NLRP14: variants seen among roughly 807,000 people sequenced by gnomAD.
NLRP14 encodes NACHT, LRR and PYD domains-containing protein 14.
Under a neutral mutation model 94.7 loss-of-function variants are expected in NLRP14, and 105 were observed. The observed-to-expected ratio is 1.11, with a 90% CI of 0.95 to 1.30. The LOEUF (loss-of-function observed/expected upper bound fraction) is 1.30, where lower values mean the gene tolerates loss of function less well. Among genes scored for constraint, NLRP14 ranks in the 50% most tolerant of loss-of-function variants. NLRP14 has a pLI of 0.00. For missense variants in NLRP14, 1,362 were observed against 1,254.1 expected, an observed-to-expected ratio of 1.09 and a Z score of -1.30; for synonymous variants, 508 against 459.9, an observed-to-expected ratio of 1.10 and a Z score of -1.34.
intron 6 of NLRP14, among the ~76,000 whole-genome samples, chr11:7,050,140 A>G (rs1386172999): frequency 2.0e-5 from 3 of 152,244 alleles, no homozygotes; most frequent in Non-Finnish European, 4.4e-5. Context: ...CTAATATTTA[A>G]GTGCTGCAAT....
the NLRP14 span, chr11:7,090,256 TAGGAGGCCGCTTGGAGAGAGG>T: frequency 3.7e-6 from 6 of 1,608,112 alleles, no homozygotes; most frequent in Non-Finnish European, 5.1e-6. Context: ...GGAGGCCGTC[TAGGAGGCCGCTTGGAGAGAGG>T]AGGAGGCCGG....
At chr11:7,038,318 A>C (rs1337828534) in intron 1 of NLRP14, among the ~76,000 whole-genome samples, 1 of 152,196 alleles carries the variant, frequency 6.6e-6, no homozygotes, top group African/African-American at 2.4e-5. Flanking sequence ...TATAGCTCAT[A>C]AGTGGTAGGA....
chr11:7,064,657 A>T (rs981833033), intron 10 of NLRP14, among the ~76,000 whole-genome samples: 1 of 152,132 alleles, frequency 6.6e-6, no homozygotes, highest in Non-Finnish European at 1.5e-5. Context: ...GAGAGAGAAA[A>T]GCATCTTTAC....
intron 3 of NLRP14, among the ~76,000 whole-genome samples, chr11:7,041,161 G>T (rs369824184): frequency 2.4e-4 from 37 of 152,002 alleles, no homozygotes; most frequent in African/African-American, 8.7e-4. Context: ...GGTAAATAGT[G>T]TTTTTCTTCT....
Position 7,071,377 on chromosome 11 carries a change from C to A in NLRP14, c.*69C>A. 2.3e-6 allele frequency: 3 copies of A among 1,323,374 alleles called. No individual in the cohort carries two copies. Among genetic ancestry groups the A allele is most frequent in the Non-Finnish European group, 2.1e-6 (2 of 940,724 alleles). The allele number at this position is 1,323,374 out of a possible 1,614,324, so 82.0% of individuals were successfully genotyped here. On this transcript the variant is annotated 3_prime_UTR_variant, in exon 12 of 12. Coordinates refer to ENST00000299481, the MANE Select transcript of NLRP14 (RefSeq NM_176822.4). Reference sequence around the variant, plus strand: ...ATACATACATAGATATATACCCAGACTTGGGTGCTTAGCTTCAGATACTCT... The same window carrying A: ...ATACATACATAGATATATACCCAGAATTGGGTGCTTAGCTTCAGATACTCT...
chr11:7,049,070 T>A (rs1472780134), intron 5 of NLRP14, among the ~76,000 whole-genome samples: 1 of 151,584 alleles, frequency 6.6e-6, no homozygotes, highest in Non-Finnish European at 1.5e-5. Context: ...CAAAGCGAGG[T>A]TTTGGACAGT....
At chr11:7,089,898 C>G in the NLRP14 span, 1 of 1,612,956 alleles carries the variant, frequency 6.2e-7, no homozygotes, top group Non-Finnish European at 8.5e-7. Flanking sequence ...CTACAGCGAC[C>G]GAGACGGCTA....
chr11:7,051,647 C>T (rs1009807164), intron 6 of NLRP14, among the ~76,000 whole-genome samples: 10 of 152,124 alleles, frequency 6.6e-5, no homozygotes, highest in South Asian at 2.1e-4. Flanking sequence ...GACAGAGTCT[C>T]GTTCTGTCAC....
At position 7,041,457 on chromosome 11, in the gene NLRP14, T is replaced by C. The variant is rs186435901; in HGVS notation, c.362-931T>C. On this transcript the variant is annotated intron_variant, in intron 3 of 11. Transcript: ENST00000299481. ...TTCCAGGAGAGGATCATATTCTACA[T>C]AATTGCCAGAAACTTCATATCTTTT... Among the ~76,000 whole-genome samples the C allele has an allele frequency of 1.6e-4, 25 of 152,272 alleles. No homozygotes were observed. The East Asian group carries it at 4.8e-3, about 29-fold the overall frequency.
chr11:7,055,763 A>C (rs1435722319), intron 6 of NLRP14, among the ~76,000 whole-genome samples: 8 of 152,098 alleles, frequency 5.3e-5, no homozygotes, highest in Non-Finnish European at 1.2e-4. Flanking sequence ...GTACCATCTT[A>C]TGGACCTATA....
At chr11:7,039,010 A>G in intron 2 of NLRP14, 135 bp downstream of exon 2, 5 of 771,844 alleles carry the variant, frequency 6.5e-6, no homozygotes, top group South Asian at 1.9e-5. Context: ...GGTCTTGTGC[A>G]TGGGGAGCTT....
chr11:7,047,240 C>T (rs1196828511), intron 5 of NLRP14, among the ~76,000 whole-genome samples: 1 of 152,126 alleles, frequency 6.6e-6, no homozygotes, highest in Non-Finnish European at 1.5e-5. Flanking sequence ...CAAGTGTAAA[C>T]ATCTTTATAA....
chr11:7,054,849 TGTG>T (rs1482653579), intron 6 of NLRP14, among the ~76,000 whole-genome samples: 1 of 152,184 alleles, frequency 6.6e-6, no homozygotes, highest in African/African-American at 2.4e-5. Context: ...TGCCTATGCT[TGTG>T]GGGTATTACT....
At chr11:7,062,914 C>G (rs1376731910) in intron 10 of NLRP14, among the ~76,000 whole-genome samples, 1 of 152,060 alleles carries the variant, frequency 6.6e-6, no homozygotes, top group African/African-American at 2.4e-5. Context: ...GTGGACATTT[C>G]TTACGTTCAA....
At chr11:7,032,827 G>A (rs1793410583) in intron 1 of NLRP14, among the ~76,000 whole-genome samples, 1 of 152,118 alleles carries the variant, frequency 6.6e-6, no homozygotes, top group Admixed American at 6.5e-5. Flanking sequence ...ATATTTTAGT[G>A]TGAACTGTAA....
intron 1 of NLRP14, among the ~76,000 whole-genome samples, chr11:7,021,341 T>C (rs1265049504): frequency 6.6e-6 from 1 of 152,236 alleles, no homozygotes; most frequent in South Asian, 2.1e-4. Flanking sequence ...ATTTACAGTT[T>C]GGTGTTTAGC....
chr11:7,049,704 G>A lies in NLRP14; in HGVS notation c.2157G>A (p.Gln719=). The A allele has an allele frequency of 6.2e-7, 1 of 1,613,026 alleles. No individual in the cohort carries two copies. Among genetic ancestry groups the A allele is most frequent in the Non-Finnish European group, 8.5e-7 (1 of 1,179,032 alleles). Residue 719 remains glutamine (Q), a synonymous_variant, in exon 6 of 12, where the codon CAG becomes CAA. Coordinates refer to ENST00000299481, the MANE Select transcript of NLRP14 (RefSeq NM_176822.4). ...TTATCACTTTCCCTGATGGTTGTCA[G>A]GATATCTCTACTTCTTTGATTCATA... ...LKFITFPDGC[Q]DISTSLIHNK...
intron 6 of NLRP14, among the ~76,000 whole-genome samples, chr11:7,053,610 A>G (rs1158976864): frequency 6.6e-6 from 1 of 151,402 alleles, no homozygotes; most frequent in East Asian, 1.9e-4. Context: ...CATCATTTGT[A>G]TTTTTTTCTG....
intron 9 of NLRP14, among the ~76,000 whole-genome samples, chr11:7,060,914 TA>T (rs1488747280): frequency 1.3e-5 from 2 of 152,072 alleles, no homozygotes; most frequent in African/African-American, 2.4e-5. Flanking sequence ...TTGATTATTT[TA>T]ATGACTGTAT....
Sources: gnomAD v4.1 joint callset for allele counts (sites outside exome capture counted in the v4.1 genomes callset) on GRCh38, gnomAD v4.1.1 for gene constraint, MANE v1.5 for transcripts, NCBI Gene and HGNC (gene_info 2026-07-23, HGNC 2026-07-21) for gene names.